SMC6: variants seen among roughly 807,000 people sequenced by gnomAD.
The protein encoded by SMC6 is structural maintenance of chromosomes protein 6.
Under a neutral mutation model 142.2 loss-of-function variants are expected in SMC6, and 79 were observed. The ratio of observed to expected loss-of-function variants is 0.56; its 90% CI spans 0.46 to 0.67. The LOEUF is 0.67. Among genes scored for constraint, SMC6 ranks in the 30% least tolerant of loss-of-function variants. The pLI is 0.00. For synonymous variants in SMC6, 411 were observed against 412.4 expected (o/e 1.00, Z 0.04); for missense variants, 1,072 against 1,284.0 (o/e 0.83, Z 2.52).
intron 9 of SMC6, among the ~76,000 whole-genome samples, chr2:17,722,313 C>G (rs1284522279): frequency 6.6e-6 from 1 of 152,138 alleles, no homozygotes; most frequent in Non-Finnish European, 1.5e-5. Flanking sequence ...CCATACCATC[C>G]TCTACCTATA....
intron 2 of SMC6, among the ~76,000 whole-genome samples, chr2:17,750,846 C>A (rs1670990394): frequency 6.7e-6 from 1 of 150,298 alleles, no homozygotes. Context: ...ACTAAAAATA[C>A]AAAAAAAAAT....
At position 17,721,232 on chromosome 2, in the gene SMC6, T is replaced by A. The variant is rs1414881131; in HGVS notation, c.756A>T (p.Val252=). ...ERLTELKRQC[V]EKEERFQSIA... ...TACTTTGAAAACGTTCCTCTTTCTC[T>A]ACACACTGGCGCTTTAGTTCAGTAA... Residue 252 remains valine, a synonymous_variant, in exon 10 of 28, where the codon GTA becomes GTT. Coordinates refer to ENST00000448223, the MANE Select transcript of SMC6 (RefSeq NM_001142286.2). 6.2e-7 allele frequency: 1 copy of A among 1,608,642 alleles called. No individual in the cohort carries two copies. The highest frequency in any genetic ancestry group is 2.2e-5 in the East Asian group (1 of 44,804).
At chr2:17,731,678 A>G in intron 6 of SMC6, 63 bp downstream of exon 6, 4 of 1,506,034 alleles carry the variant, frequency 2.7e-6, no homozygotes, top group Non-Finnish European at 3.6e-6. Context: ...ACCAGCAGTC[A>G]TCTAATTCTT....
chr2:17,690,795 G>A (rs551526928), intron 23 of SMC6, among the ~76,000 whole-genome samples: 1 of 152,026 alleles, frequency 6.6e-6, no homozygotes, highest in East Asian at 1.9e-4. Flanking sequence ...TAAAATTACG[G>A]TTAATTCTTT....
chr2:17,725,352 T>A lies in SMC6; in HGVS notation c.631A>T (p.Met211Leu). The change falls in exon 9 of 28, where the codon ATG becomes TTG. Residue 211 changes from methionine (M) to leucine (L), a missense_variant. Transcript: ENST00000448223. ...KNEGDKYKFF[M>L]KATQLEQMKE... ...ATCTGTTCAAGTTGCGTTGCTTTCA[T>A]GAAGAACTATTATCAATAACAAAAA... The A allele has an allele frequency of 6.3e-7, 1 of 1,594,826 alleles. No homozygotes were observed. The highest frequency in any genetic ancestry group is 1.1e-5 in the South Asian group (1 of 87,650).
intron 18 of SMC6, among the ~76,000 whole-genome samples, chr2:17,705,852 A>C (rs1174950479): frequency 6.6e-6 from 1 of 152,162 alleles, no homozygotes; most frequent in African/African-American, 2.4e-5. Flanking sequence ...AAAATATATT[A>C]AGCCTGAGCT....
chr2:17,742,616 A>C (rs551215548), intron 3 of SMC6, among the ~76,000 whole-genome samples: 1 of 152,050 alleles, frequency 6.6e-6, no homozygotes, highest in Non-Finnish European at 1.5e-5. Context: ...AGGTATTTTA[A>C]AGATTTCTTT....
intron 19 of SMC6, 146 bp downstream of exon 19, chr2:17,703,011 T>C: frequency 2.3e-6 from 1 of 443,172 alleles, no homozygotes. Context: ...TATACCCACA[T>C]AAATGAAAGC....
At chr2:17,750,111 G>T (rs1213983029) in intron 2 of SMC6, among the ~76,000 whole-genome samples, 1 of 152,262 alleles carries the variant, frequency 6.6e-6, no homozygotes, top group African/African-American at 2.4e-5. Flanking sequence ...GCAAAACCGG[G>T]AAGTATAAAG....
chr2:17,720,979 A>C lies in SMC6; in HGVS notation c.906T>G (p.Asp302Glu). 1 of 1,613,712 alleles carries C rather than the reference A, an allele frequency of 6.2e-7. No individual in the cohort carries two copies. Among genetic ancestry groups the C allele is most frequent in the African/African-American group, 1.3e-5 (1 of 75,026 alleles). The stretch of plus-strand genomic sequence containing the variant: ...TTTTCCTGTCAAGTCTAGCAGCACG[A>C]TCTTCTCCAATTTTGATATTATCTC... ...AIRDNIKIGE[D>E]RAARLDRKME... is the part of the protein sequence containing the mutation. The change falls in exon 11 of 28, where the codon GAT (aspartate) becomes GAG (glutamate). Residue 302 changes from aspartate to glutamate, a missense_variant. Coordinates refer to ENST00000448223, the MANE Select transcript of SMC6 (RefSeq NM_001142286.2).
intron 9 of SMC6, among the ~76,000 whole-genome samples, chr2:17,723,672 T>C (rs879660723): frequency 1.3e-5 from 2 of 152,190 alleles, no homozygotes; most frequent in Admixed American, 1.3e-4. Flanking sequence ...TCTCTTTTAG[T>C]AGTCCTCACG....
rs1669010571 is a variant in SMC6, at chr2:17,715,037, T to A, written c.1554A>T (p.Glu518Asp). ...LGACIHLRDP[E>D]LALAIESCLK... ...AGCAAGATTCAATAGCCAAAGCAAG[T>A]TCTGGGTCCCGAAGATGAATGCAAG... Residue 518 changes from glutamate to aspartate, a missense_variant, in exon 16 of 28, where the codon GAA (glutamate) becomes GAT (aspartate). Transcript: ENST00000448223. 5 of 1,613,726 alleles carry A rather than the reference T, an allele frequency of 3.1e-6. No homozygotes were observed. The East Asian group carries it at 1.1e-4, about 36-fold the overall frequency.
chr2:17,734,108 T>C (rs1670033192), intron 5 of SMC6, among the ~76,000 whole-genome samples: 3 of 151,668 alleles, frequency 2.0e-5, no homozygotes, highest in Admixed American at 2.0e-4. Flanking sequence ...AACAAACCAA[T>C]GGGAGGGAGA....
chr2:17,733,114 A>G (rs1669987783), intron 5 of SMC6, among the ~76,000 whole-genome samples: 1 of 152,226 alleles, frequency 6.6e-6, no homozygotes. Context: ...ATTAAATGAA[A>G]CCTTTAACAG....
At chr2:17,703,082 A>T in intron 19 of SMC6, 75 bp downstream of exon 19, 1 of 963,916 alleles carries the variant, frequency 1.0e-6, no homozygotes. Context: ...GGAGTCAATA[A>T]TGGGATCTTA....
intron 25 of SMC6, among the ~76,000 whole-genome samples, chr2:17,677,140 C>T (rs1667026387): frequency 6.6e-6 from 1 of 152,122 alleles, no homozygotes; most frequent in African/African-American, 2.4e-5. Context: ...TAGGGGTAAG[C>T]ACGCAGTCTT....
intron 23 of SMC6, among the ~76,000 whole-genome samples, chr2:17,689,346 T>C (rs1163513816): frequency 6.6e-6 from 1 of 152,180 alleles, no homozygotes; most frequent in Non-Finnish European, 1.5e-5. Flanking sequence ...TCTGATATCG[T>C]AGGAAAGACG....
chr2:17,693,082 A>G (rs1667807987), intron 23 of SMC6, among the ~76,000 whole-genome samples: 1 of 152,218 alleles, frequency 6.6e-6, no homozygotes, highest in Non-Finnish European at 1.5e-5. Context: ...ATGTAGAGAA[A>G]TAGGAACACT....
intron 3 of SMC6, among the ~76,000 whole-genome samples, chr2:17,744,511 C>T (rs1006187887): frequency 2.6e-5 from 4 of 152,168 alleles, no homozygotes; most frequent in Non-Finnish European, 5.9e-5. Flanking sequence ...GGATTATCTA[C>T]ATAATCTGCA....
Sources: allele counts gnomAD v4.1 joint callset (sites outside exome capture counted in the v4.1 genomes callset), GRCh38; gene constraint gnomAD v4.1.1; transcripts MANE v1.5; gene names NCBI Gene and HGNC (gene_info 2026-07-23, HGNC 2026-07-21).